Variants in SHPK observed in about 807,000 individuals in gnomAD.
SHPK encodes carbohydrate kinase-like protein.
A neutral mutation model predicts 46.3 loss-of-function variants in SHPK; 51 were observed. That is an observed-to-expected ratio of 1.10 (90% CI 0.88 to 1.39). The LOEUF (loss-of-function observed/expected upper bound fraction) is 1.39, where lower values mean the gene tolerates loss of function less well. SHPK is among the 40% of genes most tolerant of loss of function. The probability of loss-of-function intolerance (pLI) is 0.00; values close to 1 mark genes in which losing one functional copy is unlikely to be tolerated. For synonymous variants in SHPK, 290 were observed against 273.9 expected (o/e 1.06, Z -0.58); for missense variants, 668 against 641.3 (o/e 1.04, Z -0.45).
At chr17:3,620,170 C>T (rs2075391464) in intron 5 of SHPK, among the ~76,000 whole-genome samples, 1 of 152,170 alleles carries the variant, frequency 6.6e-6, no homozygotes, top group Non-Finnish European at 1.5e-5. Context: ...TATTTTCTGC[C>T]CTTTAGAGTA....
intron 2 of SHPK, among the ~76,000 whole-genome samples, chr17:3,625,923 G>T (rs536460889): frequency 3.9e-5 from 6 of 152,088 alleles, no homozygotes; most frequent in Non-Finnish European, 4.4e-5. Context: ...TGTGGTAGCG[G>T]GTGCCTGTAA....
chr17:3,624,644 A>G (rs1422423542), intron 2 of SHPK, among the ~76,000 whole-genome samples: 1 of 149,808 alleles, frequency 6.7e-6, no homozygotes, highest in Non-Finnish European at 1.5e-5. Flanking sequence ...ATTGCGTTTT[A>G]TTTTATTTTA....
chr17:3,632,769 G>A (rs1243203939), intron 1 of SHPK, among the ~76,000 whole-genome samples: 1 of 151,972 alleles, frequency 6.6e-6, no homozygotes, highest in African/African-American at 2.4e-5. Flanking sequence ...TCTTTTTACA[G>A]CGGAGGAAAC....
chr17:3,632,399 G>A (rs2075478322), intron 1 of SHPK, among the ~76,000 whole-genome samples: 1 of 152,222 alleles, frequency 6.6e-6, no homozygotes, highest in Admixed American at 6.5e-5. Flanking sequence ...CCTGAGACCA[G>A]CCTCAGCAAC....
chr17:3,621,510 C>T (rs2075401427), intron 4 of SHPK, 98 bp from the exon 5 acceptor site: 2 of 1,139,620 alleles, frequency 1.8e-6, no homozygotes, highest in Non-Finnish European at 2.5e-6. Flanking sequence ...CTCCATTCCT[C>T]CCTCCCTTCT....
chr17:3,624,051 T>C lies in SHPK; in HGVS notation c.491A>G (p.Tyr164Cys). ...GCATIFWLLK[Y>C]RPEFLKSYDA... Reference sequence around the variant, plus strand: ...GTGAAAGTGCAGTTGCCCGTACCGATATTTCAAAAGCCAGAAGATGGTTGC... The same window carrying C: ...GTGAAAGTGCAGTTGCCCGTACCGACATTTCAAAAGCCAGAAGATGGTTGC... Residue 164 changes from tyrosine to cysteine, a missense_variant, in exon 3 of 7, where the codon TAT becomes TGT. Transcript: ENST00000225519. 6.2e-7 allele frequency: 1 copy of C among 1,601,698 alleles called. No homozygotes were observed. Among genetic ancestry groups the C allele is most frequent in the Non-Finnish European group, 8.5e-7 (1 of 1,170,106 alleles).
intron 6 of SHPK, among the ~76,000 whole-genome samples, chr17:3,614,863 GAA>G (rs1430625523): frequency 9.2e-6 from 1 of 108,480 alleles, no homozygotes; most frequent in African/African-American, 1.0e-4. Flanking sequence ...AAAAAAAAAA[GAA>G]GAAGAAGAAG....
intron 2 of SHPK, among the ~76,000 whole-genome samples, chr17:3,628,150 G>A (rs568677415): frequency 6.6e-6 from 1 of 152,184 alleles, no homozygotes; most frequent in African/African-American, 2.4e-5. Context: ...AGAGAGGGAT[G>A]AATCCAATAT....
At chr17:3,623,995 A>T (rs2075417989) in intron 3 of SHPK, 53 bp downstream of exon 3, 1 of 1,530,558 alleles carries the variant, frequency 6.5e-7, no homozygotes, top group Non-Finnish European at 8.9e-7. Flanking sequence ...GCCCCGGCCT[A>T]TTCTCATTCT....
intron 5 of SHPK, chr17:3,619,624 T>G (rs1224885595): frequency 8.0e-6 from 3 of 374,132 alleles, no homozygotes; most frequent in South Asian, 4.5e-5. Flanking sequence ...TCCCATCTAC[T>G]CGGGAGGACA....
intron 2 of SHPK, among the ~76,000 whole-genome samples, chr17:3,624,778 C>A (rs2075423552): frequency 6.6e-6 from 1 of 152,088 alleles, no homozygotes. Flanking sequence ...TTCAGCCTCC[C>A]GAGTAGCTGA....
In SHPK at chr17:3,624,194, G is replaced by C. The variant is rs374243504; in HGVS notation, c.348C>G (p.Phe116Leu). The C allele has an allele frequency of 5.0e-6, 8 of 1,613,864 alleles. No individual in the cohort carries two copies. The highest frequency in any genetic ancestry group is 4.4e-5 in the South Asian group (4 of 91,034). ...CCAGGTGGCTAACAGCTCGGGGCTC[G>C]AACACCGGGGTAATCCCTCCCTCTG... ...EWTEGGITPVFEPRAVSHLVT... is the reference protein window; with the variant it reads ...EWTEGGITPVLEPRAVSHLVT... Residue 116 changes from phenylalanine (F) to leucine (L), a missense_variant, in exon 3 of 7, where the codon TTC (phenylalanine) becomes TTG (leucine). Physicochemically the swap from Phe to Leu is conservative, Grantham distance 22. Transcript: ENST00000225519.
At chr17:3,626,654 A>G (rs2075439405) in intron 2 of SHPK, among the ~76,000 whole-genome samples, 1 of 150,932 alleles carries the variant, frequency 6.6e-6, no homozygotes, top group Non-Finnish European at 1.5e-5. Flanking sequence ...CCTGGGAGGC[A>G]GAGCTTGCAG....
chr17:3,621,450 T>G, intron 4 of SHPK, 38 bp from the exon 5 acceptor site: 1 of 1,592,480 alleles, frequency 6.3e-7, no homozygotes, highest in African/African-American at 1.3e-5. Flanking sequence ...GGACCCACAG[T>G]TAGGTTTCGG....
At chr17:3,612,697 G>T (rs1017032453) in intron 6 of SHPK, among the ~76,000 whole-genome samples, 1 of 151,850 alleles carries the variant, frequency 6.6e-6, no homozygotes, top group African/African-American at 2.4e-5. Context: ...TAGACCTAGG[G>T]CTTCTCCAGC....
intron 1 of SHPK, among the ~76,000 whole-genome samples, chr17:3,632,277 C>G (rs1349815876): frequency 6.6e-6 from 1 of 152,138 alleles, no homozygotes; most frequent in Non-Finnish European, 1.5e-5. Context: ...TTCTACTGGA[C>G]AGAGCTAGTT....
At chr17:3,620,050 C>T (rs2075390884) in intron 5 of SHPK, 1 of 175,362 alleles carries the variant, frequency 5.7e-6, no homozygotes, top group Non-Finnish European at 1.2e-5. Context: ...AACACAGCTA[C>T]ACCCGCTCAT....
chr17:3,624,399 C>A (rs756243606), intron 2 of SHPK, among the ~76,000 whole-genome samples, 168 bp from the exon 3 acceptor site: 4 of 152,280 alleles, frequency 2.6e-5, no homozygotes, highest in African/African-American at 9.6e-5. Context: ...CTTGGCTCTA[C>A]CACATAATGA....
At chr17:3,624,353 G>T in intron 2 of SHPK, 122 bp from the exon 3 acceptor site, 2 of 892,678 alleles carry the variant, frequency 2.2e-6, no homozygotes, top group Non-Finnish European at 3.4e-6. Flanking sequence ...ATAAAGCCTG[G>T]CACACCTATG....
Sources: gnomAD v4.1 joint callset for allele counts (sites outside exome capture counted in the v4.1 genomes callset) on GRCh38, gnomAD v4.1.1 for gene constraint, MANE v1.5 for transcripts, NCBI Gene and HGNC (gene_info 2026-07-23, HGNC 2026-07-21) for gene names.